The following IMMP2L variants were observed in gnomAD, a reference collection of about 807,000 sequenced individuals.
IMMP2L encodes mitochondrial inner membrane protease subunit 2.
Under a neutral mutation model 19.3 loss-of-function variants are expected in IMMP2L, and 18 were observed. The ratio of observed to expected loss-of-function variants is 0.93; its 90% CI spans 0.64 to 1.38. The LOEUF is 1.38. IMMP2L is among the 40% of genes most tolerant of loss of function. IMMP2L has a pLI of 0.00. For synonymous variants in IMMP2L, 76 were observed against 73.0 expected, an observed-to-expected ratio of 1.04 and a Z score of -0.21; for missense variants, 233 against 218.2, an observed-to-expected ratio of 1.07 and a Z score of -0.43.
chr7:111,510,606 C>T (rs552032115), intron 2 of IMMP2L, among the ~76,000 whole-genome samples: 1 of 152,206 alleles, frequency 6.6e-6, no homozygotes, highest in South Asian at 2.1e-4. Flanking sequence ...GCCAGCATAA[C>T]CCTGGAGACA....
chr7:110,844,184 T>C (rs551775392), intron 5 of IMMP2L, among the ~76,000 whole-genome samples: 4 of 152,198 alleles, frequency 2.6e-5, no homozygotes, highest in African/African-American at 9.7e-5. Context: ...ATCTATTATT[T>C]GCCAGTTCCA....
At chr7:110,772,238 T>A (rs1464469756) in intron 5 of IMMP2L, among the ~76,000 whole-genome samples, 3 of 152,136 alleles carry the variant, frequency 2.0e-5, no homozygotes, top group African/African-American at 7.2e-5. Context: ...AGAATGGTGA[T>A]CCATGAGCTT....
At chr7:111,501,728 T>G (rs1473104373) in intron 2 of IMMP2L, among the ~76,000 whole-genome samples, 1 of 152,084 alleles carries the variant, frequency 6.6e-6, no homozygotes, top group Non-Finnish European at 1.5e-5. Flanking sequence ...AAACTAAGCT[T>G]CATAAGTGAA....
intron 5 of IMMP2L, among the ~76,000 whole-genome samples, chr7:110,766,150 C>T (rs1352137183): frequency 6.6e-6 from 1 of 152,138 alleles, no homozygotes; most frequent in Non-Finnish European, 1.5e-5. Context: ...ATAAATTACA[C>T]ATTTCCAAAT....
chr7:111,523,733 TA>T (rs1846573097), intron 1 of IMMP2L, among the ~76,000 whole-genome samples: 1 of 152,128 alleles, frequency 6.6e-6, no homozygotes, highest in South Asian at 2.1e-4. Flanking sequence ...CTAACAACTA[TA>T]ATCTTAAGTT....
chr7:111,130,376 C>T (rs913759442), intron 3 of IMMP2L, among the ~76,000 whole-genome samples: 7 of 152,078 alleles, frequency 4.6e-5, no homozygotes, highest in Admixed American at 6.6e-5. Flanking sequence ...TGAGCTACAA[C>T]GACATTTGGA....
chr7:111,039,134 A>G (rs754841602), intron 3 of IMMP2L, among the ~76,000 whole-genome samples: 2 of 152,148 alleles, frequency 1.3e-5, no homozygotes, highest in Non-Finnish European at 2.9e-5. Context: ...CTGATCTCAT[A>G]TCTTTCATCA....
chr7:111,394,720 T>C (rs1832703317), intron 3 of IMMP2L, among the ~76,000 whole-genome samples: 2 of 152,182 alleles, frequency 1.3e-5, no homozygotes, highest in African/African-American at 4.8e-5. Context: ...ATCAAAAACC[T>C]AGGAATCTCA....
At chr7:110,744,453 GAGACACCTCCCAGTAGGAGCCAAC>G (rs1268942724) in intron 5 of IMMP2L, among the ~76,000 whole-genome samples, 11 of 152,204 alleles carry the variant, frequency 7.2e-5, no homozygotes, top group African/African-American at 2.7e-4. Context: ...TCCTGACTAG[GAGACACCTCCCAGTAGGAGCCAAC>G]AGACACCTCA....
chr7:111,316,985 G>T (rs1197945935), intron 3 of IMMP2L, among the ~76,000 whole-genome samples: 2 of 151,482 alleles, frequency 1.3e-5, no homozygotes, highest in Admixed American at 1.3e-4. Flanking sequence ...AAGTAGCTGG[G>T]ATTACAGGCA....
intron 3 of IMMP2L, among the ~76,000 whole-genome samples, chr7:111,014,118 C>T (rs1825250094): frequency 1.3e-5 from 2 of 152,102 alleles, no homozygotes; most frequent in Admixed American, 1.3e-4. Flanking sequence ...AATCCCAACA[C>T]TTTGGGAGGC....
At chr7:110,785,416 T>C (rs1355855586) in intron 5 of IMMP2L, among the ~76,000 whole-genome samples, 1 of 152,002 alleles carries the variant, frequency 6.6e-6, no homozygotes, top group Non-Finnish European at 1.5e-5. Flanking sequence ...AAATCAGATG[T>C]TCTCACCCTC....
At chr7:111,450,480 C>T (rs371982542) in intron 3 of IMMP2L, among the ~76,000 whole-genome samples, 46 of 151,592 alleles carry the variant, frequency 3.0e-4, no homozygotes, top group East Asian at 5.8e-4. Context: ...ATTTAATAAA[C>T]GGTGCTGGGA....
intron 3 of IMMP2L, among the ~76,000 whole-genome samples, chr7:111,409,192 T>A (rs1413098536): frequency 2.0e-5 from 3 of 151,704 alleles, no homozygotes; most frequent in African/African-American, 7.3e-5. Context: ...ATTTAAGACA[T>A]CCATTTAAAG....
chr7:111,079,122 CTTTT>C (rs1169407875), intron 3 of IMMP2L, among the ~76,000 whole-genome samples: 1 of 144,782 alleles, frequency 6.9e-6, no homozygotes. Context: ...TAATTTTTTT[CTTTT>C]TTTTTTTTTG....
At chr7:111,451,866 G>A (rs1839231945) in intron 3 of IMMP2L, among the ~76,000 whole-genome samples, 1 of 152,022 alleles carries the variant, frequency 6.6e-6, no homozygotes, top group South Asian at 2.1e-4. Flanking sequence ...GCATATGCAA[G>A]AAATCAATAT....
At chr7:110,692,121 C>G (rs147207193) in intron 5 of IMMP2L, among the ~76,000 whole-genome samples, 56 of 152,166 alleles carry the variant, frequency 3.7e-4, no homozygotes, top group Non-Finnish European at 7.6e-4. Context: ...ACACTCCCCC[C>G]ACAACACACA....
chr7:111,081,822 C>T (rs1447211734), intron 3 of IMMP2L, among the ~76,000 whole-genome samples: 5 of 152,090 alleles, frequency 3.3e-5, no homozygotes, highest in African/African-American at 9.7e-5. Context: ...TTTAAAATAA[C>T]GTCATTGACC....
In IMMP2L at chr7:111,521,567, T is replaced by C. The variant is rs562983021; in HGVS notation, c.-2-118A>G. ...AAGGGCAATCTTGTCTCTTAATATA[T>C]TACACACTCATTCCTGTAACCATTA... On this transcript the variant is annotated intron_variant, in intron 1 of 5. Coordinates refer to ENST00000405709, the MANE Select transcript of IMMP2L (RefSeq NM_032549.4). 6 of 756,134 alleles carry C rather than the reference T, an allele frequency of 7.9e-6. No homozygotes were observed. In the East Asian group the frequency reaches 1.6e-4, roughly 20 times the overall value. 46.8% of individuals were successfully genotyped at this position (756,134 alleles called of 1,614,324 possible).
Sources: gnomAD v4.1 joint callset for allele counts (sites outside exome capture counted in the v4.1 genomes callset) on GRCh38, gnomAD v4.1.1 for gene constraint, MANE v1.5 for transcripts, NCBI Gene and HGNC (gene_info 2026-07-23, HGNC 2026-07-21) for gene names.